H2AC16: variants seen among roughly 807,000 people sequenced by gnomAD.
The protein encoded by H2AC16 is H2A clustered histone 16, also known as histone H2A type 1.
Under a neutral mutation model 6.6 loss-of-function variants are expected in H2AC16, and 11 were observed. That is an observed-to-expected ratio of 1.67 (90% confidence interval 1.05 to 2.77). The LOEUF (loss-of-function observed/expected upper bound fraction) is 2.77, where lower values mean the gene tolerates loss of function less well. H2AC16 is among the 30% of genes most tolerant of loss of function. The probability of loss-of-function intolerance (pLI) is 0.00; values close to 1 mark genes in which losing one functional copy is unlikely to be tolerated. For synonymous variants in H2AC16, 131 were observed against 80.8 expected (o/e 1.62, Z -3.33); for missense variants, 212 against 177.1 (o/e 1.20, Z -1.12).
rs1761474959 is a variant in H2AC16, at chr6:27,865,395, A to G, written c.41A>G (p.Lys14Arg). 1 of 1,611,838 alleles carries G rather than the reference A, an allele frequency of 6.2e-7. No individual in the cohort carries two copies. Among genetic ancestry groups the G allele is most frequent in the African/African-American group, 1.3e-5 (1 of 74,952 alleles). Residue 14 changes from lysine to arginine, a missense_variant, in exon 1 of 1, where the codon AAA (lysine) becomes AGA (arginine). Transcript: ENST00000613174. The part of the protein sequence containing the change: ...RGKQGGKARA[K>R]AKTRSSRAGL... ...AAGCAGGGAGGCAAAGCTCGCGCCA[A>G]AGCCAAGACCCGCTCTTCTCGTGCC...
Position 27,865,792 on chromosome 6 carries a change from C to T in H2AC16, c.*45C>T, listed in dbSNP as rs1761489098. On this transcript the variant is annotated 3_prime_UTR_variant, in exon 1 of 1. Transcript: ENST00000613174. Reference sequence around the variant, plus strand: ...TCCAATACAACGGCTCTTTTCAGAGCCACCTACTATTTCTGCGGGAGAGCT... The same window carrying T: ...TCCAATACAACGGCTCTTTTCAGAGTCACCTACTATTTCTGCGGGAGAGCT... The T allele has an allele frequency of 6.3e-7, 1 of 1,592,828 alleles. No individual in the cohort carries two copies. The highest frequency in any genetic ancestry group is 8.6e-7 in the Non-Finnish European group (1 of 1,166,078).
At position 27,865,419 on chromosome 6, in the gene H2AC16, C is replaced by T. The variant is rs776480510; in HGVS notation, c.65C>T (p.Ala22Val). ...AAAGCCAAGACCCGCTCTTCTCGTGCCGGTCTCCAGTTCCCCGTGGGCCGA... is the reference window on the plus strand; with the variant it reads ...AAAGCCAAGACCCGCTCTTCTCGTGTCGGTCTCCAGTTCCCCGTGGGCCGA... Reference protein sequence around the residue: ...RAKAKTRSSRAGLQFPVGRVH... With the variant: ...RAKAKTRSSRVGLQFPVGRVH... Residue 22 changes from alanine (A) to valine (V), a missense_variant, in exon 1 of 1, where the codon GCC (alanine) becomes GTC (valine). By Grantham distance (64) the Ala-to-Val change is moderately conservative. Transcript: ENST00000613174. The T allele has an allele frequency of 6.2e-7, 1 of 1,613,696 alleles. No individual in the cohort carries two copies. The highest frequency in any genetic ancestry group is 8.5e-7 in the Non-Finnish European group (1 of 1,179,702).
rs1761470399 is a variant in H2AC16 at position 27,865,319 on chromosome 6, G to A, written c.-36G>A. 1 of 1,572,698 alleles carries A rather than the reference G, an allele frequency of 6.4e-7. No individual in the cohort carries two copies. Among genetic ancestry groups the A allele is most frequent in the African/African-American group, 1.4e-5 (1 of 73,926 alleles). On this transcript the variant is annotated 5_prime_UTR_variant, in exon 1 of 1. Transcript: ENST00000613174. ...GTGGAGCTCTGGTGAACTTCTCTCG[G>A]CTGTTCTCAGTTCCTCCATTTATCG...
rs754241683 is a variant in H2AC16, at chr6:27,865,502, G to T, written c.148G>T (p.Val50Leu). The change falls in exon 1 of 1, where the codon GTG (valine) becomes TTG (leucine). Residue 50 changes from valine (V) to leucine (L), a missense_variant. Physicochemically the swap from Val to Leu is conservative, Grantham distance 32. Coordinates refer to ENST00000613174, the MANE Select transcript of H2AC16 (RefSeq NM_003511.3). ...YAERVGAGAP[V>L]YLAAVLEYLT... Reference sequence around the variant, plus strand: ...TGAGCGGGTCGGGGCCGGCGCGCCGGTGTACCTGGCGGCGGTGCTGGAGTA... The same window carrying T: ...TGAGCGGGTCGGGGCCGGCGCGCCGTTGTACCTGGCGGCGGTGCTGGAGTA... 18 of 1,614,092 alleles carry T rather than the reference G, an allele frequency of 1.1e-5. No homozygotes were observed. The highest frequency in any genetic ancestry group is 1.4e-5 in the Non-Finnish European group (17 of 1,179,992).
rs2113910868 is a variant in H2AC16 at position 27,865,368 on chromosome 6, G to A, written c.14G>A (p.Gly5Asp). Reference protein sequence around the residue: MSGRGKQGGKARAKA... With the variant: MSGRDKQGGKARAKA... ...CGTTTCTTCGTCATGTCGGGACGCG[G>A]CAAGCAGGGAGGCAAAGCTCGCGCC... The change falls in exon 1 of 1, where the codon GGC (glycine) becomes GAC (aspartate). Residue 5 changes from glycine to aspartate, a missense_variant. Transcript: ENST00000613174. 1 of 1,606,830 alleles carries A rather than the reference G, an allele frequency of 6.2e-7. No individual in the cohort carries two copies. Among genetic ancestry groups the A allele is most frequent in the African/African-American group, 1.3e-5 (1 of 74,834 alleles).
chr6:27,865,495 C>A lies in H2AC16; in HGVS notation c.141C>A (p.Gly47=), dbSNP rs2113911173. The A allele has an allele frequency of 1.2e-6, 2 of 1,613,998 alleles. No individual in the cohort carries two copies. The highest frequency in any genetic ancestry group is 1.1e-5 in the South Asian group (1 of 91,074). ...ACTATGCTGAGCGGGTCGGGGCCGG[C>A]GCGCCGGTGTACCTGGCGGCGGTGC... is the stretch of plus-strand genomic sequence containing the variant. ...KGNYAERVGA[G]APVYLAAVLE... is the part of the protein sequence containing the mutation. The change falls in exon 1 of 1, where the codon GGC becomes GGA. Residue 47 remains glycine (G), a synonymous_variant. Coordinates refer to ENST00000613174, the MANE Select transcript of H2AC16 (RefSeq NM_003511.3).
Position 27,865,711 on chromosome 6 carries a change from G to C in H2AC16, c.357G>C (p.Lys119Asn). 1 of 1,614,224 alleles carries C rather than the reference G, an allele frequency of 6.2e-7. No homozygotes were observed. The highest frequency in any genetic ancestry group is 8.5e-7 in the Non-Finnish European group (1 of 1,180,030). ...ACATCCAGGCTGTGCTACTGCCCAA[G>C]AAGACCGAGAGTCACCACAAGGCCA... ...LPNIQAVLLP[K>N]KTESHHKAKG... is the part of the protein sequence containing the mutation. The change falls in exon 1 of 1, where the codon AAG becomes AAC. Residue 119 changes from lysine (K) to asparagine (N), a missense_variant. Coordinates refer to ENST00000613174, the MANE Select transcript of H2AC16 (RefSeq NM_003511.3).
rs1761485563 is a variant in H2AC16, at chr6:27,865,648, G to A, written c.294G>A (p.Leu98=). ...ACGACGAGGAGCTCAACAAGCTGCT[G>A]GGCAAAGTAACCATCGCTCAGGGTG... ...IRNDEELNKL[L]GKVTIAQGGV... is the part of the protein sequence containing the mutation. The change falls in exon 1 of 1, where the codon CTG becomes CTA. Residue 98 remains leucine, a synonymous_variant. Coordinates refer to ENST00000613174, the MANE Select transcript of H2AC16 (RefSeq NM_003511.3). 6.2e-7 allele frequency: 1 copy of A among 1,614,214 alleles called. No individual in the cohort carries two copies. The highest frequency in any genetic ancestry group is 8.5e-7 in the Non-Finnish European group (1 of 1,180,030).
chr6:27,865,654 A>G lies in H2AC16; in HGVS notation c.300A>G (p.Lys100=), dbSNP rs1561940130. ...NDEELNKLLG[K]VTIAQGGVLP... ...AGGAGCTCAACAAGCTGCTGGGCAA[A>G]GTAACCATCGCTCAGGGTGGTGTCC... is the stretch of plus-strand genomic sequence containing the variant. Residue 100 remains lysine (K), a synonymous_variant, in exon 1 of 1, where the codon AAA becomes AAG. Transcript: ENST00000613174. 6.2e-7 allele frequency: 1 copy of G among 1,614,218 alleles called. No homozygotes were observed. The highest frequency in any genetic ancestry group is 8.5e-7 in the Non-Finnish European group (1 of 1,180,034).
rs369581178 is a variant in H2AC16, at chr6:27,865,534, T to A, written c.180T>A (p.Thr60=). Residue 60 remains threonine (T), a synonymous_variant, in exon 1 of 1, where the codon ACT becomes ACA. Transcript: ENST00000613174. The part of the protein sequence containing the change: ...VYLAAVLEYL[T]AEILELAGNA... ...TGGCGGCGGTGCTGGAGTACCTGAC[T>A]GCCGAGATCCTGGAGCTGGCGGGCA... The A allele has an allele frequency of 3.7e-5, 59 of 1,614,162 alleles. 2 individuals carry two copies. Among genetic ancestry groups the A allele is most frequent in the East Asian group, 2.9e-4 (13 of 44,884 alleles).
At position 27,865,582 on chromosome 6, in the gene H2AC16, G is replaced by A. The variant is rs369844593; in HGVS notation, c.228G>A (p.Lys76=). ...GCAACGCCGCCCGCGACAACAAGAA[G>A]ACCCGCATTATCCCGCGCCACTTGC... ...LAGNAARDNK[K]TRIIPRHLQL... is the part of the protein sequence containing the mutation. Residue 76 remains lysine, a synonymous_variant, in exon 1 of 1, where the codon AAG becomes AAA. Coordinates refer to ENST00000613174, the MANE Select transcript of H2AC16 (RefSeq NM_003511.3). The A allele has an allele frequency of 2.5e-6, 4 of 1,614,100 alleles. No individual in the cohort carries two copies. Among genetic ancestry groups the A allele is most frequent in the Non-Finnish European group, 3.4e-6 (4 of 1,180,050 alleles).
Position 27,865,749 on chromosome 6 carries a change from G to A in H2AC16, c.*2G>A. On this transcript the variant is annotated 3_prime_UTR_variant, in exon 1 of 1. Coordinates refer to ENST00000613174, the MANE Select transcript of H2AC16 (RefSeq NM_003511.3). Reference sequence around the variant, plus strand: ...CACCACAAGGCCAAAGGCAAATAATGTCTCCATAGAATCACTTTCCAATAC... The same window carrying A: ...CACCACAAGGCCAAAGGCAAATAATATCTCCATAGAATCACTTTCCAATAC... The A allele has an allele frequency of 4.3e-6, 7 of 1,613,408 alleles. No individual in the cohort carries two copies. The highest frequency in any genetic ancestry group is 1.3e-5 in the African/African-American group (1 of 75,026).
rs752182301 is a variant in H2AC16 at position 27,865,399 on chromosome 6, C to G, written c.45C>G (p.Ala15=). The G allele has an allele frequency of 3.7e-6, 6 of 1,613,178 alleles. No homozygotes were observed. The highest frequency in any genetic ancestry group is 4.2e-6 in the Non-Finnish European group (5 of 1,179,372). ...AGGGAGGCAAAGCTCGCGCCAAAGC[C>G]AAGACCCGCTCTTCTCGTGCCGGTC... ...GKQGGKARAK[A]KTRSSRAGLQ... Residue 15 remains alanine, a synonymous_variant, in exon 1 of 1, where the codon GCC becomes GCG. Transcript: ENST00000613174.
chr6:27,865,675 T>C lies in H2AC16; in HGVS notation c.321T>C (p.Gly107=). ...GCAAAGTAACCATCGCTCAGGGTGG[T>C]GTCCTGCCCAACATCCAGGCTGTGC... ...LLGKVTIAQG[G]VLPNIQAVLL... is the part of the protein sequence containing the mutation. Residue 107 remains glycine (G), a synonymous_variant, in exon 1 of 1, where the codon GGT becomes GGC. Transcript: ENST00000613174. 6.2e-7 allele frequency: 1 copy of C among 1,614,212 alleles called. No individual in the cohort carries two copies. The highest frequency in any genetic ancestry group is 8.5e-7 in the Non-Finnish European group (1 of 1,180,036).
At position 27,865,778 on chromosome 6, in the gene H2AC16, GGCTCTTTTCAGA is replaced by G. The variant is rs1418337579; in HGVS notation, c.*34_*45del. The G allele has an allele frequency of 1.6e-5, 25 of 1,603,684 alleles. No individual in the cohort carries two copies. The highest frequency in any genetic ancestry group is 2.1e-5 in the Non-Finnish European group (25 of 1,172,422). Reference sequence around the variant, plus strand: ...CCATAGAATCACTTTCCAATACAACGGCTCTTTTCAGAGCCACCTACTATTTCTGCGGGAGAG... The same window carrying G: ...CCATAGAATCACTTTCCAATACAACGGCCACCTACTATTTCTGCGGGAGAG... On this transcript the variant is annotated 3_prime_UTR_variant, in exon 1 of 1. Coordinates refer to ENST00000613174, the MANE Select transcript of H2AC16 (RefSeq NM_003511.3).
rs756803514 is a variant in H2AC16, at chr6:27,865,513, G to A, written c.159G>A (p.Ala53=). The A allele has an allele frequency of 3.1e-6, 5 of 1,614,004 alleles. No individual in the cohort carries two copies. The highest frequency in any genetic ancestry group is 4.2e-6 in the Non-Finnish European group (5 of 1,180,010). ...GGGCCGGCGCGCCGGTGTACCTGGC[G>A]GCGGTGCTGGAGTACCTGACTGCCG... The part of the protein sequence containing the change: ...RVGAGAPVYL[A]AVLEYLTAEI... Residue 53 remains alanine, a synonymous_variant, in exon 1 of 1, where the codon GCG becomes GCA. Transcript: ENST00000613174.
At position 27,865,377 on chromosome 6, in the gene H2AC16, G is replaced by A; in HGVS notation, c.23G>A (p.Gly8Glu). 1 of 1,609,106 alleles carries A rather than the reference G, an allele frequency of 6.2e-7. No individual in the cohort carries two copies. Among genetic ancestry groups the A allele is most frequent in the African/African-American group, 1.3e-5 (1 of 74,908 alleles). The change falls in exon 1 of 1, where the codon GGA becomes GAA. Residue 8 changes from glycine to glutamate, a missense_variant. Coordinates refer to ENST00000613174, the MANE Select transcript of H2AC16 (RefSeq NM_003511.3). MSGRGKQ[G>E]GKARAKAKTR... Reference sequence around the variant, plus strand: ...GTCATGTCGGGACGCGGCAAGCAGGGAGGCAAAGCTCGCGCCAAAGCCAAG... The same window carrying A: ...GTCATGTCGGGACGCGGCAAGCAGGAAGGCAAAGCTCGCGCCAAAGCCAAG...
rs1288604049 is a variant in H2AC16 at position 27,865,456 on chromosome 6, G to A, written c.102G>A (p.Leu34=). Residue 34 remains leucine (L), a synonymous_variant, in exon 1 of 1, where the codon CTG becomes CTA. Coordinates refer to ENST00000613174, the MANE Select transcript of H2AC16 (RefSeq NM_003511.3). The part of the protein sequence containing the change: ...LQFPVGRVHR[L]LRKGNYAERV... ...TCCCCGTGGGCCGAGTGCACCGACTGCTCCGCAAGGGCAACTATGCTGAGC... is the reference window on the plus strand; with the variant it reads ...TCCCCGTGGGCCGAGTGCACCGACTACTCCGCAAGGGCAACTATGCTGAGC... The A allele has an allele frequency of 2.5e-6, 4 of 1,614,042 alleles. No individual in the cohort carries two copies. The highest frequency in any genetic ancestry group is 3.4e-6 in the Non-Finnish European group (4 of 1,179,948).
In H2AC16 at chr6:27,865,365, G is replaced by A; in HGVS notation, c.11G>A (p.Arg4His). ...TATCGTTTCTTCGTCATGTCGGGAC[G>A]CGGCAAGCAGGGAGGCAAAGCTCGC... MSG[R>H]GKQGGKARAK... Residue 4 changes from arginine (R) to histidine (H), a missense_variant, in exon 1 of 1, where the codon CGC becomes CAC. Transcript: ENST00000613174. 1 of 1,605,584 alleles carries A rather than the reference G, an allele frequency of 6.2e-7. No individual in the cohort carries two copies. The highest frequency in any genetic ancestry group is 1.1e-5 in the South Asian group (1 of 90,684).
Sources: allele counts gnomAD v4.1 joint callset, GRCh38; gene constraint gnomAD v4.1.1; transcripts MANE v1.5; gene names NCBI Gene and HGNC (gene_info 2026-07-23, HGNC 2026-07-21).